The following RANBP9 variants were observed in gnomAD, a reference collection of about 807,000 sequenced individuals.
RANBP9 encodes RAN binding protein 9, also known as ran-binding protein 9.
RANBP9 carries 15 observed loss-of-function variants against 84.3 expected under a neutral mutation model. That is an observed-to-expected ratio of 0.18 (90% CI 0.12 to 0.27). The LOEUF (loss-of-function observed/expected upper bound fraction) is 0.27. Ranked by LOEUF, RANBP9 falls within the 10% of genes least tolerant of loss-of-function variation. The pLI is 1.00. For missense variants in RANBP9, 809 were observed against 912.8 expected, an observed-to-expected ratio of 0.89 and a Z score of 1.46; for synonymous variants, 392 against 349.6, an observed-to-expected ratio of 1.12 and a Z score of -1.35.
chr6:13,696,796 C>T lies in RANBP9; in HGVS notation c.672G>A (p.Lys224=), dbSNP rs1757840498. Residue 224 remains lysine (K), a synonymous_variant, in exon 2 of 14, where the codon AAG becomes AAA. Coordinates refer to ENST00000011619, the MANE Select transcript of RANBP9 (RefSeq NM_005493.3). The stretch of plus-strand genomic sequence containing the variant: ...CAAAATTTACTTACCCATCTCTTCC[C>T]TTACTGACAATTTTTACTTCAAAAT... ...IYYFEVKIVS[K]GRDGYMGIGL... 1.2e-6 allele frequency: 2 copies of T among 1,608,786 alleles called. No homozygotes were observed. The highest frequency in any genetic ancestry group is 1.7e-6 in the Non-Finnish European group (2 of 1,176,752).
chr6:13,666,320 C>T (rs74701317), intron 2 of RANBP9, among the ~76,000 whole-genome samples: 4 of 151,732 alleles, frequency 2.6e-5, no homozygotes, highest in African/African-American at 7.3e-5. Context: ...TCATGACATA[C>T]GAGTTTCAAA....
At position 13,681,505 on chromosome 6, in the gene RANBP9, C is replaced by T. The variant is rs559724175; in HGVS notation, c.683+15280G>A. ...GCTAATTTCATTATTGCTCACAATA[C>T]AAGAGTACCTTAAAAGGAGGGGACT... On this transcript the variant is annotated intron_variant, in intron 2 of 13. Transcript: ENST00000011619. Among the ~76,000 whole-genome samples the T allele has an allele frequency of 1.2e-4, 18 of 151,732 alleles. No homozygotes were observed. In the East Asian group the frequency reaches 3.3e-3, roughly 28 times the overall value.
In RANBP9 at chr6:13,623,521, AG is replaced by A. The variant is rs368449214; in HGVS notation, c.2060-1030del. Among the ~76,000 whole-genome samples the A allele has an allele frequency of 6.7e-3, 1,027 of 152,302 alleles. 7 individuals are homozygous for A. Among genetic ancestry groups the A allele is most frequent in the African/African-American group, 0.023 (951 of 41,542 alleles). On this transcript the variant is annotated intron_variant, in intron 13 of 13. Coordinates refer to ENST00000011619, the MANE Select transcript of RANBP9 (RefSeq NM_005493.3). ...GATTAAGAATAAACGTGTGCAAAAA[AG>A]GGCACATAGATTGATGAGAAAGTGT...
intron 12 of RANBP9, among the ~76,000 whole-genome samples, chr6:13,630,813 A>G (rs986927496): frequency 6.6e-6 from 1 of 152,128 alleles, no homozygotes; most frequent in Non-Finnish European, 1.5e-5. Context: ...ACAAAAAAAT[A>G]TAAAGCAATG....
chr6:13,651,539 C>A (rs567931444), intron 5 of RANBP9, among the ~76,000 whole-genome samples: 2 of 151,730 alleles, frequency 1.3e-5, no homozygotes, highest in Non-Finnish European at 2.9e-5. Context: ...GGACTACAGG[C>A]GCCCACCACC....
At position 13,621,710 on chromosome 6, in the gene RANBP9, C is replaced by T. The variant is rs1764451772; in HGVS notation, c.*652G>A. The T allele has an allele frequency of 6.6e-6, 1 of 152,548 alleles. No individual in the cohort carries two copies. Among genetic ancestry groups the T allele is most frequent in the Non-Finnish European group, 1.5e-5 (1 of 68,026 alleles). The allele number at this position is 152,548 out of a possible 1,614,324, so 9.4% of individuals were successfully genotyped here. On this transcript the variant is annotated 3_prime_UTR_variant, in exon 14 of 14. Coordinates refer to ENST00000011619, the MANE Select transcript of RANBP9 (RefSeq NM_005493.3). ...TAATACAACAGTTAAACTTGTGAGT[C>T]TACAACAGAAGTCATCTGTAGTTAA...
At chr6:13,653,172 A>T (rs1029406545) in intron 4 of RANBP9, among the ~76,000 whole-genome samples, 1 of 152,186 alleles carries the variant, frequency 6.6e-6, no homozygotes, top group Non-Finnish European at 1.5e-5. Flanking sequence ...CTTCTTTAAA[A>T]AATGTTTCTT....
chr6:13,671,835 C>A (rs994105105), intron 2 of RANBP9, among the ~76,000 whole-genome samples: 2 of 151,928 alleles, frequency 1.3e-5, no homozygotes, highest in African/African-American at 4.8e-5. Context: ...CACTCTATTA[C>A]GTAAACAGCT....
chr6:13,677,468 T>C (rs1765919296), intron 2 of RANBP9, among the ~76,000 whole-genome samples: 1 of 152,204 alleles, frequency 6.6e-6, no homozygotes, highest in Admixed American at 6.5e-5. Flanking sequence ...AGGGATCTTT[T>C]TTTTATCTTA....
intron 2 of RANBP9, among the ~76,000 whole-genome samples, chr6:13,687,801 C>A (rs1584943543): frequency 6.6e-6 from 1 of 152,122 alleles, no homozygotes; most frequent in East Asian, 1.9e-4. Context: ...TCCATATTAC[C>A]CTCAGATAAC....
intron 9 of RANBP9, among the ~76,000 whole-genome samples, chr6:13,639,016 T>C (rs187632254): frequency 6.6e-6 from 1 of 152,324 alleles, no homozygotes; most frequent in Admixed American, 6.5e-5. Context: ...TGACTACTCA[T>C]TGTGAATGCT....
In RANBP9 at chr6:13,711,541, C is replaced by T. The variant is rs373740508; in HGVS notation, c.-36G>A. ...ACTCAGCCTGCGGCCACCTCCACCTCTTCTCTCCTTCCTCCTCTGCTTCCC... is the reference window on the plus strand; with the variant it reads ...ACTCAGCCTGCGGCCACCTCCACCTTTTCTCTCCTTCCTCCTCTGCTTCCC... On this transcript the variant is annotated 5_prime_UTR_variant, in exon 1 of 14. Transcript: ENST00000011619. The T allele has an allele frequency of 3.9e-4, 488 of 1,240,620 alleles. 1 individual carries two copies. The African/African-American group carries it at 4.8e-3, about 12-fold the overall frequency. 76.9% of individuals were successfully genotyped at this position (1,240,620 alleles called of 1,614,324 possible).
chr6:13,641,099 A>T (rs1402474722), intron 8 of RANBP9, 100 bp downstream of exon 8: 2 of 780,522 alleles, frequency 2.6e-6, no homozygotes, highest in African/African-American at 1.8e-5. Flanking sequence ...GAAAAACGAA[A>T]AAAACTAAAA....
intron 4 of RANBP9, among the ~76,000 whole-genome samples, chr6:13,655,122 G>A (rs1765370602): frequency 6.6e-6 from 1 of 152,220 alleles, no homozygotes; most frequent in Non-Finnish European, 1.5e-5. Context: ...CTCTCTATGT[G>A]CTTAATACTC....
At chr6:13,629,670 CAAT>C (rs1562296105) in intron 12 of RANBP9, among the ~76,000 whole-genome samples, 1 of 152,130 alleles carries the variant, frequency 6.6e-6, no homozygotes, top group African/African-American at 2.4e-5. Context: ...GTCCCTACAA[CAAT>C]GCCTCTCCAC....
intron 2 of RANBP9, among the ~76,000 whole-genome samples, chr6:13,670,656 C>G (rs538500831): frequency 6.6e-6 from 1 of 151,962 alleles, no homozygotes; most frequent in South Asian, 2.1e-4. Context: ...CAAAATTAGA[C>G]GGGCGTGGTG....
At chr6:13,679,914 A>G (rs933621356) in intron 2 of RANBP9, among the ~76,000 whole-genome samples, 2 of 152,208 alleles carry the variant, frequency 1.3e-5, no homozygotes, top group Admixed American at 1.3e-4. Flanking sequence ...CCAATTTTTA[A>G]TATAAATCGG....
At chr6:13,685,598 TA>T (rs1766154102) in intron 2 of RANBP9, among the ~76,000 whole-genome samples, 1 of 151,262 alleles carries the variant, frequency 6.6e-6, no homozygotes, top group African/African-American at 2.4e-5. Flanking sequence ...AAATACTAAA[TA>T]AATCAATGAT....
Position 13,625,686 on chromosome 6 carries a change from G to T in RANBP9, c.2026C>A (p.Pro676Thr), listed in dbSNP as rs564437360. The T allele has an allele frequency of 2.5e-6, 4 of 1,612,760 alleles. No individual in the cohort carries two copies. The highest frequency in any genetic ancestry group is 4.5e-5 in the East Asian group (2 of 44,868). ...GCACTGTTAAGAGCTGAGCACACAG[G>T]TTCTCTCTGAATCGGGTCAAGCTGA... ...GNQLDPIQRE[P>T]VCSALNSAIL... The change falls in exon 13 of 14, where the codon CCT becomes ACT. Residue 676 changes from proline to threonine, a missense_variant. Physicochemically the swap from Pro to Thr is conservative, Grantham distance 38 (BLOSUM62 -1). This residue lies in a region of RANBP9 where 233 missense variants were observed against 234.4 expected (regional missense o/e 0.99). Coordinates refer to ENST00000011619, the MANE Select transcript of RANBP9 (RefSeq NM_005493.3).
Sources: gnomAD v4.1 joint callset for allele counts (sites outside exome capture counted in the v4.1 genomes callset) on GRCh38, gnomAD v4.1.1 for gene constraint, gnomAD v4.1.1 regional missense constraint, MANE v1.5 for transcripts, NCBI Gene and HGNC (gene_info 2026-07-23, HGNC 2026-07-21) for gene names.